Variants in ANK3 observed in about 807,000 individuals in gnomAD.
ANK3 encodes the protein ankyrin 3.
ANK3 carries 57 observed loss-of-function variants against 370.9 expected under a neutral mutation model. The ratio of observed to expected loss-of-function variants is 0.15; its 90% CI spans 0.12 to 0.19. ANK3 has a LOEUF of 0.19. ANK3 is among the 10% of genes least tolerant of loss of function. ANK3 has a pLI of 1.00. For missense variants in ANK3, 4,439 were observed against 5,302.1 expected, an observed-to-expected ratio of 0.84 and a Z score of 5.06; for synonymous variants, 1,929 against 1,946.3, an observed-to-expected ratio of 0.99 and a Z score of 0.23.
chr10:60,384,380 T>C (rs1391322773), intron 1 of ANK3, among the ~76,000 whole-genome samples: 1 of 152,202 alleles, frequency 6.6e-6, no homozygotes, highest in South Asian at 2.1e-4. Flanking sequence ...ATTAGAGACA[T>C]AAAGCCTGTC....
chr10:60,054,101 G>A (rs1247682561), intron 42 of ANK3, among the ~76,000 whole-genome samples: 11 of 152,130 alleles, frequency 7.2e-5, no homozygotes, highest in Admixed American at 7.2e-4. Context: ...ATTTTCCAGT[G>A]GCCCATACAT....
In ANK3 at chr10:60,223,942, C is replaced by CTT. The variant is rs547189220; in HGVS notation, c.898-10434_898-10433dup. Among the ~76,000 whole-genome samples the CTT allele has an allele frequency of 8.2e-3, 1,191 of 145,240 alleles. 19 individuals are homozygous for CTT. Among genetic ancestry groups the CTT allele is most frequent in the African/African-American group, 0.028 (1,128 of 39,906 alleles). ...TCATTTCCCTAAAATTAGAGCCACG[C>CTT]TTTTTTTTTTTTGAAGCGGAATAAG... is the stretch of plus-strand genomic sequence containing the variant. On this transcript the variant is annotated intron_variant, in intron 8 of 43. Transcript: ENST00000280772.
chr10:60,311,752 C>T (rs1420995948), intron 1 of ANK3, among the ~76,000 whole-genome samples: 1 of 152,190 alleles, frequency 6.6e-6, no homozygotes, highest in Non-Finnish European at 1.5e-5. Context: ...ATGCTGTCTT[C>T]CTCCAGATCT....
intron 2 of ANK3, among the ~76,000 whole-genome samples, chr10:60,396,688 C>G (rs1201564531): frequency 6.6e-6 from 1 of 152,064 alleles, no homozygotes; most frequent in Non-Finnish European, 1.5e-5. Flanking sequence ...ATTCAATAAA[C>G]TCTCGTAATT....
chr10:60,730,243 A>T lies in ANK3; in HGVS notation c.57+3020T>A, dbSNP rs540027738. On this transcript the variant is annotated intron_variant, in intron 1 of 43. Transcript: ENST00000373827. ...CATGAGTATCACTTACTGTGGCCTC[A>T]ACCTCCCAGGCCCAAGTGATCCTCC... is the stretch of plus-strand genomic sequence containing the variant. Among the ~76,000 whole-genome samples the T allele has an allele frequency of 7.9e-5, 12 of 152,118 alleles. No homozygotes were observed. The South Asian group carries it at 2.3e-3, about 29-fold the overall frequency.
chr10:60,650,862 T>C lies in ANK3; in HGVS notation c.58-35638A>G, dbSNP rs564081295. Reference sequence around the variant, plus strand: ...ACTTTGGAAGGCCAGGGCAAAACAATTGCTTGAGTTCAGAAGTTCTAGACC... The same window carrying C: ...ACTTTGGAAGGCCAGGGCAAAACAACTGCTTGAGTTCAGAAGTTCTAGACC... On this transcript the variant is annotated intron_variant, in intron 1 of 43. Transcript: ENST00000373827. 2.9e-4 allele frequency among the ~76,000 whole-genome samples: 44 copies of C among 152,242 alleles called. No homozygotes were observed. The South Asian group carries it at 8.5e-3, about 29-fold the overall frequency.
chr10:60,598,143 C>A (rs1292620389), intron 2 of ANK3, among the ~76,000 whole-genome samples: 1 of 152,120 alleles, frequency 6.6e-6, no homozygotes, highest in East Asian at 1.9e-4. Flanking sequence ...AACTGGGGAT[C>A]CAGGAACATC....
intron 1 of ANK3, among the ~76,000 whole-genome samples, chr10:60,713,462 G>A (rs1337537539): frequency 1.3e-5 from 2 of 152,122 alleles, no homozygotes; most frequent in Admixed American, 6.5e-5. Flanking sequence ...CAAAACCAGT[G>A]CTTAGAGGGA....
chr10:60,276,564 T>C lies in ANK3; in HGVS notation c.414+2210A>G, dbSNP rs535336515. Among the ~76,000 whole-genome samples, 3 of 152,282 alleles carry C rather than the reference T, an allele frequency of 2.0e-5. No individual in the cohort carries two copies. In the South Asian group the frequency reaches 6.2e-4, roughly 32 times the overall value. On this transcript the variant is annotated intron_variant, in intron 4 of 43. Transcript: ENST00000280772. ...TGGCTGGTAATTCCGAGCACAACTG[T>C]AAGTAACAGGGAATTTCACATGTTC...
chr10:60,265,920 C>T (rs2097870075), intron 5 of ANK3, among the ~76,000 whole-genome samples: 1 of 152,140 alleles, frequency 6.6e-6, no homozygotes, highest in Admixed American at 6.5e-5. Flanking sequence ...ACTTCACTCT[C>T]CTCTGACACC....
chr10:60,030,677 C>T (rs949601223), intron 43 of ANK3, among the ~76,000 whole-genome samples: 4 of 152,182 alleles, frequency 2.6e-5, no homozygotes, highest in Non-Finnish European at 5.9e-5. Flanking sequence ...CCTCATTACC[C>T]TATGCTTCTG....
rs16914680 is a variant in ANK3 at position 60,266,837 on chromosome 10, A to G, written c.514-2817T>C. On this transcript the variant is annotated intron_variant, in intron 5 of 43. Transcript: ENST00000280772. ...GGAAATGTGATAGAGGCTACTGGAA[A>G]AAAGGTCCATCCCCTGGTTGCTCAA... 1.5e-3 allele frequency among the ~76,000 whole-genome samples: 226 copies of G among 152,338 alleles called. 4 individuals are homozygous for G. The East Asian group carries it at 0.034, about 23-fold the overall frequency.
chr10:60,731,766 C>A (rs182703464), intron 1 of ANK3, among the ~76,000 whole-genome samples: 3 of 152,290 alleles, frequency 2.0e-5, no homozygotes, highest in African/African-American at 7.2e-5. Flanking sequence ...AGACTGCCTC[C>A]CTATAAAGCC....
chr10:60,140,733 A>T, intron 23 of ANK3: 1 of 1,143,914 alleles, frequency 8.7e-7, no homozygotes. Flanking sequence ...GAATGGTGAC[A>T]TAAATGCAAG....
intron 1 of ANK3, among the ~76,000 whole-genome samples, chr10:60,682,473 T>C (rs1368430118): frequency 2.0e-5 from 3 of 152,082 alleles, no homozygotes; most frequent in East Asian, 1.9e-4. Context: ...CGGACTCCCA[T>C]TGCCCTTGTT....
chr10:60,472,412 A>T (rs2065240782), intron 2 of ANK3, among the ~76,000 whole-genome samples: 1 of 152,180 alleles, frequency 6.6e-6, no homozygotes, highest in African/African-American at 2.4e-5. Flanking sequence ...AGTGCTAAAT[A>T]ATTTACTGTA....
chr10:60,309,353 T>C (rs1170879272), intron 1 of ANK3, among the ~76,000 whole-genome samples: 4 of 152,214 alleles, frequency 2.6e-5, no homozygotes, highest in Non-Finnish European at 4.4e-5. Context: ...AAACTCACAA[T>C]TGATTATGAA....
At chr10:60,244,282 C>T (rs2132575194) in intron 7 of ANK3, among the ~76,000 whole-genome samples, 1 of 152,290 alleles carries the variant, frequency 6.6e-6, no homozygotes, top group East Asian at 1.9e-4. Flanking sequence ...TCCCCCAACC[C>T]TCCCATGTCT....
chr10:60,085,632 T>TC (rs2086486011), intron 30 of ANK3, among the ~76,000 whole-genome samples: 1 of 123,782 alleles, frequency 8.1e-6, no homozygotes, highest in African/African-American at 3.4e-5. Flanking sequence ...TTTTTTTTTT[T>TC]GAGACGGAGT....
Sources: allele counts gnomAD v4.1 joint callset (sites outside exome capture counted in the v4.1 genomes callset), GRCh38; gene constraint gnomAD v4.1.1; transcripts MANE v1.5; gene names NCBI Gene and HGNC (gene_info 2026-07-23, HGNC 2026-07-21).